Variants in RLF observed in about 807,000 individuals in gnomAD.
RLF encodes zinc finger protein Rlf.
Under a neutral mutation model 162.9 loss-of-function variants are expected in RLF, and 7 were observed. That is an observed-to-expected ratio of 0.04 (90% CI 0.02 to 0.08). RLF has a LOEUF of 0.08. RLF is among the 10% of genes least tolerant of loss of function. The pLI is 1.00. For missense variants in RLF, 1,664 were observed against 2,244.7 expected, an observed-to-expected ratio of 0.74 and a Z score of 5.23; for synonymous variants, 782 against 791.5, an observed-to-expected ratio of 0.99 and a Z score of 0.20.
intron 6 of RLF, among the ~76,000 whole-genome samples, chr1:40,227,589 T>C (rs1354907773): frequency 1.3e-5 from 2 of 152,228 alleles, no homozygotes; most frequent in Non-Finnish European, 2.9e-5. Flanking sequence ...CAAATATTTT[T>C]ACAAAATACA....
chr1:40,204,569 A>G (rs76243582), intron 5 of RLF, among the ~76,000 whole-genome samples: 7,890 of 151,718 alleles, frequency 0.052, 595 homozygotes, highest in African/African-American at 0.17. Context: ...ACCATTCCCG[A>G]TTAATTTATT....
intron 1 of RLF, among the ~76,000 whole-genome samples, chr1:40,171,705 G>C (rs549288280): frequency 3.2e-3 from 482 of 152,170 alleles, no homozygotes; most frequent in African/African-American, 0.011. Context: ...TAATAGCTTG[G>C]TGTATTTATC....
chr1:40,205,822 A>T (rs989728123), intron 5 of RLF, among the ~76,000 whole-genome samples: 2 of 151,968 alleles, frequency 1.3e-5, no homozygotes, highest in Non-Finnish European at 2.9e-5. Flanking sequence ...TTCTAATATG[A>T]CCTTTGCCCC....
At chr1:40,176,493 G>A (rs1259140068) in intron 1 of RLF, among the ~76,000 whole-genome samples, 1 of 152,204 alleles carries the variant, frequency 6.6e-6, no homozygotes, top group Admixed American at 6.5e-5. Flanking sequence ...CACCCAGGCT[G>A]CAGTGGTGTG....
intron 1 of RLF, among the ~76,000 whole-genome samples, chr1:40,185,600 C>A (rs1380570289): frequency 5.5e-5 from 6 of 109,452 alleles, no homozygotes; most frequent in Non-Finnish European, 1.1e-4. Context: ...GTCACGAGGT[C>A]AGGAGCTCGA....
At chr1:40,168,652 A>G (rs1485562222) in intron 1 of RLF, among the ~76,000 whole-genome samples, 1 of 152,122 alleles carries the variant, frequency 6.6e-6, no homozygotes, top group Non-Finnish European at 1.5e-5. Context: ...CCTCATTTTT[A>G]TTACATAGTA....
At chr1:40,217,724 A>G (rs561541702) in intron 5 of RLF, among the ~76,000 whole-genome samples, 1 of 152,028 alleles carries the variant, frequency 6.6e-6, no homozygotes, top group African/African-American at 2.4e-5. Flanking sequence ...GTGACCCGAG[A>G]TTGCGCCACT....
At chr1:40,187,845 T>C (rs1488595950) in intron 1 of RLF, among the ~76,000 whole-genome samples, 3 of 152,188 alleles carry the variant, frequency 2.0e-5, no homozygotes, top group Non-Finnish European at 4.4e-5. Flanking sequence ...TTGTAGTTAT[T>C]TGTAGTTGTT....
At chr1:40,162,107 G>A (rs1642095966) in intron 1 of RLF, among the ~76,000 whole-genome samples, 1 of 152,136 alleles carries the variant, frequency 6.6e-6, no homozygotes, top group African/African-American at 2.4e-5. Context: ...CTCCTAAAAG[G>A]TATGACAGTT....
chr1:40,188,980 T>C, intron 1 of RLF, 75 bp from the exon 2 acceptor site: 1 of 967,080 alleles, frequency 1.0e-6, no homozygotes, highest in East Asian at 2.7e-5. Context: ...GGGAGAGCTA[T>C]GTGGTGTGTT....
In RLF at chr1:40,240,078, T is replaced by A; in HGVS notation, c.5376T>A (p.Pro1792=). ...EKEDDFDDWE[P]SEHLTLSNSS... is the part of the protein sequence containing the mutation. ...AAGATGATTTTGATGATTGGGAGCC[T>A]TCAGAGCACTTAACATTAAGTAATT... The change falls in exon 8 of 8, where the codon CCT becomes CCA. Residue 1792 remains proline (P), a synonymous_variant. Coordinates refer to ENST00000372771, the MANE Select transcript of RLF (RefSeq NM_012421.4). 1 of 1,614,122 alleles carries A rather than the reference T, an allele frequency of 6.2e-7. No homozygotes were observed. Among genetic ancestry groups the A allele is most frequent in the South Asian group, 1.1e-5 (1 of 91,086 alleles).
At chr1:40,222,246 GA>G (rs951393162) in intron 5 of RLF, among the ~76,000 whole-genome samples, 1 of 149,198 alleles carries the variant, frequency 6.7e-6, no homozygotes, top group Non-Finnish European at 1.5e-5. Flanking sequence ...GAACAGGAAA[GA>G]AAAAAAAACA....
At chr1:40,180,049 C>T (rs1267259578) in intron 1 of RLF, among the ~76,000 whole-genome samples, 1 of 152,134 alleles carries the variant, frequency 6.6e-6, no homozygotes, top group Non-Finnish European at 1.5e-5. Context: ...TGTGAACACG[C>T]GTGTACAAAT....
chr1:40,186,961 A>G (rs760172278), intron 1 of RLF, among the ~76,000 whole-genome samples: 3 of 152,172 alleles, frequency 2.0e-5, no homozygotes, highest in Non-Finnish European at 4.4e-5. Flanking sequence ...GCCAATGCAG[A>G]CAGTAAGTAA....
intron 6 of RLF, among the ~76,000 whole-genome samples, chr1:40,228,299 C>T (rs1643105162): frequency 6.9e-6 from 1 of 144,370 alleles, no homozygotes; most frequent in African/African-American, 2.6e-5. Context: ...AAAAAAAAAG[C>T]CAGGCGTGGT....
chr1:40,170,577 A>G (rs939263893), intron 1 of RLF, among the ~76,000 whole-genome samples: 1 of 152,092 alleles, frequency 6.6e-6, no homozygotes, highest in Non-Finnish European at 1.5e-5. Context: ...TGTTTCCTTC[A>G]GTTCTTTGAA....
rs747649199 is a variant in RLF at position 40,238,635 on chromosome 1, T to C, written c.3933T>C (p.His1311=). ...TGAATAAATACCACAAACCATTCCA[T>C]TGTATTCATAAAACTTGCAACTCCT... ...YILNKYHKPF[H]CIHKTCNSSF... The change falls in exon 8 of 8, where the codon CAT becomes CAC. Residue 1311 remains histidine, a synonymous_variant. Coordinates refer to ENST00000372771, the MANE Select transcript of RLF (RefSeq NM_012421.4). This position sits in a 1 kb window ranked among gnomAD's most constrained non-coding sequence, Gnocchi z 5.2. The C allele has an allele frequency of 2.5e-6, 4 of 1,613,348 alleles. No homozygotes were observed. Among genetic ancestry groups the C allele is most frequent in the Non-Finnish European group, 3.4e-6 (4 of 1,179,786 alleles).
intron 7 of RLF, among the ~76,000 whole-genome samples, chr1:40,235,576 T>C (rs1156269281): frequency 1.3e-5 from 2 of 152,204 alleles, no homozygotes; most frequent in Non-Finnish European, 2.9e-5. Flanking sequence ...TAATACACAG[T>C]GCCTAGTAAA....
chr1:40,179,749 C>T lies in RLF; in HGVS notation c.238-9306C>T, dbSNP rs374332020. Among the ~76,000 whole-genome samples, 4 of 152,230 alleles carry T rather than the reference C, an allele frequency of 2.6e-5. No homozygotes were observed. In the East Asian group the frequency reaches 7.7e-4, roughly 29 times the overall value. On this transcript the variant is annotated intron_variant, in intron 1 of 7. Coordinates refer to ENST00000372771, the MANE Select transcript of RLF (RefSeq NM_012421.4). ...ATGTACCCATTAAATACTAACTCCC[C>T]ATTCCCTTTTTTCTTCACCTTCTGG...
Sources: gnomAD v4.1 joint callset for allele counts (sites outside exome capture counted in the v4.1 genomes callset) on GRCh38, gnomAD v4.1.1 for gene constraint, Gnocchi (gnomAD v3.1) non-coding constraint, MANE v1.5 for transcripts, NCBI Gene and HGNC (gene_info 2026-07-23, HGNC 2026-07-21) for gene names.